Variants in LOC400499 observed in about 807,000 individuals in gnomAD.
At chr16:11,438,456 A>G in the LOC400499 span, among the ~76,000 whole-genome samples, 1 of 151,994 alleles carries the variant, frequency 6.6e-6, no homozygotes, top group Non-Finnish European at 1.5e-5. Flanking sequence ...TACACAGGGA[A>G]TGAACAGCAG....
the LOC400499 span, among the ~76,000 whole-genome samples, chr16:11,477,417 G>A: frequency 6.6e-6 from 1 of 152,224 alleles, no homozygotes; most frequent in African/African-American, 2.4e-5. Flanking sequence ...GTGGCCCCAG[G>A]CTGTCAGTGT....
the LOC400499 span, among the ~76,000 whole-genome samples, chr16:11,512,801 G>A: frequency 6.6e-6 from 1 of 152,126 alleles, no homozygotes; most frequent in African/African-American, 2.4e-5. Context: ...GTCCTGGCAA[G>A]CCTGGATGCC....
At chr16:11,393,155 C>CA in the LOC400499 span, among the ~76,000 whole-genome samples, 2 of 15,952 alleles carry the variant, frequency 1.3e-4, no homozygotes, top group African/African-American at 2.6e-4. Flanking sequence ...CGCCTGGCCA[C>CA]CCCCCCCCCT....
the LOC400499 span, among the ~76,000 whole-genome samples, chr16:11,451,337 T>G: frequency 6.6e-6 from 1 of 152,180 alleles, no homozygotes; most frequent in African/African-American, 2.4e-5. Flanking sequence ...CCCAGCACTT[T>G]GGGAGGCCAA....
At chr16:11,476,085 G>C in the LOC400499 span, among the ~76,000 whole-genome samples, 10 of 151,960 alleles carry the variant, frequency 6.6e-5, no homozygotes. Flanking sequence ...AGGTGCAAAG[G>C]CCCTGGGGTA....
chr16:11,380,341 C>A, the LOC400499 span, among the ~76,000 whole-genome samples: 2 of 151,658 alleles, frequency 1.3e-5, no homozygotes, highest in Admixed American at 6.6e-5. Context: ...TTTCTCTGGC[C>A]GGACACAAGG....
At chr16:11,378,784 T>A in the LOC400499 span, among the ~76,000 whole-genome samples, 1 of 152,244 alleles carries the variant, frequency 6.6e-6, no homozygotes, top group Non-Finnish European at 1.5e-5. Flanking sequence ...TTCAAATGTA[T>A]TAAATCTTGC....
chr16:11,409,778 G>C, the LOC400499 span, among the ~76,000 whole-genome samples: 2 of 152,146 alleles, frequency 1.3e-5, no homozygotes, highest in Non-Finnish European at 1.5e-5. Flanking sequence ...GGAAATAGTT[G>C]AAGTATTTCA....
chr16:11,401,751 C>T, the LOC400499 span, among the ~76,000 whole-genome samples: 15 of 152,310 alleles, frequency 9.8e-5, 1 homozygote, highest in East Asian at 2.5e-3. Flanking sequence ...TTAATAGCGC[C>T]GAGCAGATGG....
the LOC400499 span, among the ~76,000 whole-genome samples, chr16:11,465,059 A>C: frequency 6.6e-6 from 1 of 152,228 alleles, no homozygotes; most frequent in Non-Finnish European, 1.5e-5. Flanking sequence ...GCTCCACTCC[A>C]GGCCTCTCTG....
chr16:11,383,889 C>T, the LOC400499 span: 1 of 1,232,158 alleles, frequency 8.1e-7, no homozygotes, highest in Non-Finnish European at 1.0e-6. Flanking sequence ...CACTCACCAC[C>T]CGGAAGCAGT....
the LOC400499 span, chr16:11,469,415 G>A: frequency 5.0e-6 from 2 of 398,744 alleles, no homozygotes; most frequent in Non-Finnish European, 8.8e-6. Context: ...GGAGGTCACA[G>A]ACAAACCTAT....
At chr16:11,392,221 G>T in the LOC400499 span, 5 of 398,982 alleles carry the variant, frequency 1.3e-5, no homozygotes, top group Admixed American at 4.4e-5. Context: ...TCTGGGCACA[G>T]CTGGACCCCA....
the LOC400499 span, among the ~76,000 whole-genome samples, chr16:11,421,657 G>A: frequency 6.6e-6 from 1 of 152,144 alleles, no homozygotes; most frequent in Admixed American, 6.5e-5. Flanking sequence ...GCCCACCTCG[G>A]CCTCCCAAAG....
chr16:11,395,334 A>C, the LOC400499 span, among the ~76,000 whole-genome samples: 6 of 152,314 alleles, frequency 3.9e-5, no homozygotes, highest in Admixed American at 1.3e-4. Context: ...GGACCAAGTG[A>C]GAATAGCTGT....
At chr16:11,403,462 CAT>C in the LOC400499 span, among the ~76,000 whole-genome samples, 1 of 145,910 alleles carries the variant, frequency 6.9e-6, no homozygotes, top group South Asian at 2.1e-4. Context: ...CACATGCACA[CAT>C]ACACACATGA....
the LOC400499 span, among the ~76,000 whole-genome samples, chr16:11,520,814 G>A: frequency 1.3e-5 from 2 of 151,950 alleles, no homozygotes; most frequent in Non-Finnish European, 2.9e-5. Flanking sequence ...TTGTTTTGAA[G>A]ATTTGTGATT....
chr16:11,493,815 A>G, the LOC400499 span: 1 of 330,428 alleles, frequency 3.0e-6, no homozygotes, highest in Non-Finnish European at 5.2e-6. Context: ...AGATGGAGGT[A>G]GGACCATGAG....
chr16:11,516,369 G>T, the LOC400499 span: 1 of 398,800 alleles, frequency 2.5e-6, no homozygotes. Flanking sequence ...CTTGCAGACT[G>T]CCAGAGGCCA....
Sources: allele counts gnomAD v4.1 joint callset (sites outside exome capture counted in the v4.1 genomes callset), GRCh38; gene constraint gnomAD v4.1.1; transcripts MANE v1.5.